NAV2: variants seen among roughly 807,000 people sequenced by gnomAD.
NAV2 encodes helicase, APC down-regulated 1.
In NAV2, 54 loss-of-function variants were observed where a neutral mutation model predicts 223.2. The ratio of observed to expected loss-of-function variants is 0.24; its 90% CI spans 0.19 to 0.30. The LOEUF is 0.30. Ranked by LOEUF, NAV2 falls within the 10% of genes least tolerant of loss-of-function variation. The pLI is 1.00. For missense variants in NAV2, 2,806 were observed against 3,147.5 expected (o/e 0.89, Z 2.60); for synonymous variants, 1,279 against 1,239.3 (o/e 1.03, Z -0.67).
At chr11:19,444,968 G>C (rs1330336359) in intron 1 of NAV2, among the ~76,000 whole-genome samples, 1 of 152,126 alleles carries the variant, frequency 6.6e-6, no homozygotes, top group Non-Finnish European at 1.5e-5. Context: ...GTCTGGCCCA[G>C]AGTAAAAGTT....
At chr11:19,532,794 T>C (rs1021673707) in intron 1 of NAV2, among the ~76,000 whole-genome samples, 3 of 152,210 alleles carry the variant, frequency 2.0e-5, no homozygotes, top group Admixed American at 1.3e-4. Context: ...ACGAGGCAAC[T>C]TCAAAGGGTT....
chr11:19,450,973 AC>A (rs1479325768), intron 1 of NAV2, among the ~76,000 whole-genome samples: 1 of 152,116 alleles, frequency 6.6e-6, no homozygotes, highest in Non-Finnish European at 1.5e-5. Context: ...GTACAGAGTT[AC>A]TTTTAGGGAG....
chr11:20,081,714 G>T (rs2060105007), intron 25 of NAV2, among the ~76,000 whole-genome samples: 1 of 152,306 alleles, frequency 6.6e-6, no homozygotes, highest in South Asian at 2.1e-4. Flanking sequence ...GAAACCTGTT[G>T]ATGGGAGAAA....
intron 1 of NAV2, among the ~76,000 whole-genome samples, chr11:19,769,173 C>A (rs1208369961): frequency 1.3e-5 from 2 of 152,138 alleles, no homozygotes; most frequent in African/African-American, 4.8e-5. Context: ...ATCATGAGTT[C>A]TTGATGTTGG....
At position 19,741,685 on chromosome 11, in the gene NAV2, GTGTATATATATATATATATATA is replaced by G. The variant is rs1359020052; in HGVS notation, c.267+27725_267+27746del. 8.5e-4 allele frequency among the ~76,000 whole-genome samples: 112 copies of G among 131,852 alleles called. 4 individuals carry two copies. The East Asian group carries it at 0.013, about 15-fold the overall frequency. The allele number at this position is 131,852 out of a possible 152,430, so 86.5% of individuals were successfully genotyped here. A position where few individuals can be genotyped will look rare whatever the true frequency, so the allele number is the denominator to read the frequency against. ...GTGTATGTATGTATCATGTGTGTGT[GTGTATATATATATATATATATA>G]TATATATATATATATATATATCACA... is the stretch of plus-strand genomic sequence containing the variant. On this transcript the variant is annotated intron_variant, in intron 1 of 37. Coordinates refer to ENST00000349880, the MANE Select transcript of NAV2 (RefSeq NM_145117.5).
intron 1 of NAV2, among the ~76,000 whole-genome samples, chr11:19,419,109 G>A (rs191826777): frequency 7.2e-5 from 11 of 152,260 alleles, no homozygotes; most frequent in African/African-American, 2.4e-4. Context: ...AGGGTCAGTG[G>A]CACTGGGGGG....
At chr11:19,875,843 G>T (rs937191122) in intron 4 of NAV2, among the ~76,000 whole-genome samples, 7 of 152,248 alleles carry the variant, frequency 4.6e-5, no homozygotes, top group Non-Finnish European at 7.4e-5. Flanking sequence ...CTGGACACCA[G>T]CGACTGTGGC....
At chr11:19,564,077 C>G (rs80338450) in intron 1 of NAV2, among the ~76,000 whole-genome samples, 2,106 of 152,298 alleles carry the variant, frequency 0.014, 47 homozygotes, top group African/African-American at 0.048. Flanking sequence ...CAATCAGGAG[C>G]CCGTCCCCAC....
chr11:19,997,068 A>C (rs1245206315), intron 11 of NAV2, among the ~76,000 whole-genome samples: 1 of 152,180 alleles, frequency 6.6e-6, no homozygotes, highest in African/African-American at 2.4e-5. Context: ...CTGGCCGCTT[A>C]TTTGAGTTGC....
intron 1 of NAV2, among the ~76,000 whole-genome samples, chr11:19,410,231 G>T (rs748305563): frequency 6.6e-6 from 1 of 152,056 alleles, no homozygotes; most frequent in South Asian, 2.1e-4. Flanking sequence ...TTTTTGTTTC[G>T]CTTCCTCCTC....
chr11:19,947,624 A>C (rs891965327), intron 9 of NAV2, among the ~76,000 whole-genome samples: 2 of 152,180 alleles, frequency 1.3e-5, no homozygotes, highest in African/African-American at 4.8e-5. Flanking sequence ...TCAGTGAGGA[A>C]ATTCCAGTTT....
rs543509057 is a variant in NAV2 at position 19,923,410 on chromosome 11, A to G, written c.932-9766A>G. On this transcript the variant is annotated intron_variant, in intron 6 of 37. Coordinates refer to ENST00000349880, the MANE Select transcript of NAV2 (RefSeq NM_145117.5). ...TAGACAAAAAAAAAATTATTTGACT[A>G]CTATTTAGACCTCCATTTTCCAAAC... Among the ~76,000 whole-genome samples, 29 of 151,710 alleles carry G rather than the reference A, an allele frequency of 1.9e-4. No homozygotes were observed. In the South Asian group the frequency reaches 5.8e-3, roughly 31 times the overall value.
At chr11:19,700,279 A>C (rs894199725) in intron 1 of NAV2, among the ~76,000 whole-genome samples, 2 of 152,226 alleles carry the variant, frequency 1.3e-5, no homozygotes, top group African/African-American at 4.8e-5. Flanking sequence ...CAGAGAGATT[A>C]AGTAACTTGT....
intron 7 of NAV2, among the ~76,000 whole-genome samples, chr11:19,935,800 G>A (rs908254989): frequency 2.7e-5 from 4 of 148,096 alleles, no homozygotes; most frequent in Admixed American, 6.7e-5. Flanking sequence ...CCAGGGCTTA[G>A]ATAATGACTC....
chr11:19,483,956 G>A (rs2632023), intron 1 of NAV2, among the ~76,000 whole-genome samples: 1,840 of 152,138 alleles, frequency 0.012, 35 homozygotes, highest in African/African-American at 0.043. Context: ...TTAACTCAAC[G>A]GGCCTTATCC....
At chr11:20,061,093 C>T (rs546328617) in intron 19 of NAV2, among the ~76,000 whole-genome samples, 1 of 152,178 alleles carries the variant, frequency 6.6e-6, no homozygotes, top group Non-Finnish European at 1.5e-5. Flanking sequence ...AGCCATTCCA[C>T]CCATGGCCAG....
intron 6 of NAV2, chr11:19,931,810 G>C (rs11025327): frequency 0.56 from 85,661 of 152,132 alleles, 24,951 homozygotes; most frequent in East Asian, 0.74. Context: ...GTCATTGTGA[G>C]TTTGCAGATG....
intron 5 of NAV2, among the ~76,000 whole-genome samples, chr11:19,888,987 A>T (rs2041261887): frequency 6.6e-6 from 1 of 152,110 alleles, no homozygotes; most frequent in African/African-American, 2.4e-5. Context: ...GCCCCTTGAG[A>T]TCCGGGTAAG....
At position 19,442,802 on chromosome 11, in the gene NAV2, A is replaced by G. The variant is rs183138482; in HGVS notation, c.75+91775A>G. Among the ~76,000 whole-genome samples the G allele has an allele frequency of 6.6e-5, 10 of 152,334 alleles. No individual in the cohort carries two copies. The East Asian group carries it at 1.9e-3, about 29-fold the overall frequency. ...TGTGACAATAGGCTATATAAAAAGT[A>G]TCATTCTCTCTCTTCCAGTAGCTTC... On this transcript the variant is annotated intron_variant, in intron 1 of 37. Transcript: ENST00000360655.
Sources: gnomAD v4.1 joint callset for allele counts (sites outside exome capture counted in the v4.1 genomes callset) on GRCh38, gnomAD v4.1.1 for gene constraint, MANE v1.5 for transcripts, NCBI Gene and HGNC (gene_info 2026-07-23, HGNC 2026-07-21) for gene names.